Variants in GPC6 observed in about 807,000 individuals in gnomAD.
GPC6 encodes the protein glypican-6.
In GPC6, 14 loss-of-function variants were observed where a neutral mutation model predicts 55.2. That is an observed-to-expected ratio of 0.25 (90% CI 0.17 to 0.40). The LOEUF (loss-of-function observed/expected upper bound fraction) is 0.40. Among genes scored for constraint, GPC6 ranks in the 10% least tolerant of loss-of-function variants. The pLI is 1.00. For synonymous variants in GPC6, 278 were observed against 259.6 expected (o/e 1.07, Z -0.68); for missense variants, 641 against 708.5 (o/e 0.90, Z 1.08).
intron 1 of GPC6, among the ~76,000 whole-genome samples, chr13:93,477,815 A>G (rs1230409340): frequency 6.6e-6 from 1 of 152,216 alleles, no homozygotes; most frequent in East Asian, 1.9e-4. Flanking sequence ...CTGCTTCCTT[A>G]ACTATTTGTT....
intron 4 of GPC6, among the ~76,000 whole-genome samples, chr13:94,073,076 C>T (rs192247904): frequency 4.1e-4 from 63 of 152,178 alleles, no homozygotes; most frequent in African/African-American, 1.3e-3. Context: ...ATGTCTACAC[C>T]TAATCATTTT....
chr13:93,626,903 G>T (rs536645031), intron 2 of GPC6, among the ~76,000 whole-genome samples: 1 of 151,978 alleles, frequency 6.6e-6, no homozygotes, highest in African/African-American at 2.4e-5. Context: ...GACTGGGGAG[G>T]CCTCAGGAAA....
chr13:93,857,763 G>T (rs1403433639), intron 3 of GPC6, among the ~76,000 whole-genome samples: 1 of 151,462 alleles, frequency 6.6e-6, no homozygotes, highest in African/African-American at 2.4e-5. Context: ...GGGAGAACTG[G>T]CCTTTAAGTT....
intron 1 of GPC6, among the ~76,000 whole-genome samples, chr13:93,487,068 T>C (rs1425267270): frequency 6.6e-6 from 1 of 152,184 alleles, no homozygotes; most frequent in African/African-American, 2.4e-5. Context: ...GCAGGGCTGA[T>C]ACCTCGCAGT....
intron 2 of GPC6, among the ~76,000 whole-genome samples, chr13:93,770,657 A>G (rs1314250016): frequency 1.3e-5 from 2 of 152,124 alleles, no homozygotes; most frequent in East Asian, 1.9e-4. Flanking sequence ...GGATTCTTCT[A>G]TGGACTGTAA....
At chr13:94,120,611 C>A (rs1375102478) in intron 4 of GPC6, among the ~76,000 whole-genome samples, 1 of 151,774 alleles carries the variant, frequency 6.6e-6, no homozygotes, top group African/African-American at 2.4e-5. Flanking sequence ...AGAAAACATT[C>A]TGTTTTGCTT....
chr13:93,981,726 T>G (rs1296158632), intron 3 of GPC6, among the ~76,000 whole-genome samples: 1 of 152,190 alleles, frequency 6.6e-6, no homozygotes, highest in Admixed American at 6.5e-5. Flanking sequence ...GTAAAAATAA[T>G]GCATTCTTCC....
At chr13:93,850,172 G>T (rs907262113) in intron 3 of GPC6, among the ~76,000 whole-genome samples, 21 of 152,010 alleles carry the variant, frequency 1.4e-4, no homozygotes, top group Admixed American at 2.6e-4. Context: ...GGGTAATTTT[G>T]GCAATCTGTA....
At chr13:94,178,025 A>ATTTTTTTTTTTTTTTTTTTTTTTTT (rs767978319) in intron 4 of GPC6, among the ~76,000 whole-genome samples, 17 of 132,978 alleles carry the variant, frequency 1.3e-4, no homozygotes, top group Non-Finnish European at 1.7e-4. Flanking sequence ...TGGCCTTTTA[A>ATTTTTTTTTTTTTTTTTTTTTTTTT]TTTTTTTTTT....
chr13:94,228,768 T>A (rs1291374469), intron 4 of GPC6, among the ~76,000 whole-genome samples: 1 of 149,246 alleles, frequency 6.7e-6, no homozygotes, highest in East Asian at 2.0e-4. Context: ...TTGAATGCCC[T>A]CTCCAATACA....
intron 4 of GPC6, among the ~76,000 whole-genome samples, chr13:94,188,401 T>G (rs973781055): frequency 1.3e-5 from 2 of 152,136 alleles, no homozygotes; most frequent in African/African-American, 4.8e-5. Context: ...GCTGGTACCA[T>G]CTGTATAGGG....
chr13:93,815,184 A>G (rs913099717), intron 2 of GPC6, among the ~76,000 whole-genome samples: 1 of 152,216 alleles, frequency 6.6e-6, no homozygotes, highest in African/African-American at 2.4e-5. Context: ...AATAAGAATG[A>G]TATTATATCA....
intron 4 of GPC6, among the ~76,000 whole-genome samples, chr13:94,030,099 T>G: frequency 6.7e-6 from 1 of 150,346 alleles, no homozygotes. Flanking sequence ...GCCTCCCGGG[T>G]TCATGCCATT....
At chr13:93,382,801 TC>T (rs1282810488) in intron 1 of GPC6, among the ~76,000 whole-genome samples, 1 of 152,184 alleles carries the variant, frequency 6.6e-6, no homozygotes. Context: ...GCTAAGCTAA[TC>T]TTTGGGGTTA....
intron 2 of GPC6, among the ~76,000 whole-genome samples, chr13:93,814,927 G>A (rs1011043303): frequency 3.3e-5 from 5 of 152,072 alleles, no homozygotes; most frequent in African/African-American, 4.8e-5. Flanking sequence ...AGGGAGTCAC[G>A]TTTACAACAG....
rs545793542 is a variant in GPC6, at chr13:93,707,537, G to T, written c.320-122617G>T. ...ATGTTTCTACCTCTTAAGAAATGAA[G>T]TAGGCTCTCCTGTCCCCATCAAGGC... On this transcript the variant is annotated intron_variant, in intron 2 of 8. Transcript: ENST00000377047. Among the ~76,000 whole-genome samples the T allele has an allele frequency of 7.0e-4, 107 of 151,826 alleles. 1 individual carries two copies. Among genetic ancestry groups the T allele is most frequent in the African/African-American group, 2.5e-3 (102 of 41,478 alleles).
At chr13:93,995,161 C>CTATTTTTTATTTTATTTTATTT (rs1566639351) in intron 3 of GPC6, among the ~76,000 whole-genome samples, 5 of 144,298 alleles carry the variant, frequency 3.5e-5, no homozygotes, top group African/African-American at 1.0e-4. Context: ...TGTACTTCAA[C>CTATTTTTTATTTTATTTTATTT]TATTTTATTT....
chr13:94,384,539 A>ATTCTTACAAAATATTTAC (rs1418656190), intron 7 of GPC6, among the ~76,000 whole-genome samples: 1 of 150,858 alleles, frequency 6.6e-6, no homozygotes, highest in Non-Finnish European at 1.5e-5. Flanking sequence ...TTTCTTACAA[A>ATTCTTACAAAATATTTAC]AGGAAATATT....
intron 1 of GPC6, among the ~76,000 whole-genome samples, chr13:93,429,407 TG>T (rs1291090663): frequency 2.0e-5 from 3 of 152,234 alleles, no homozygotes; most frequent in Non-Finnish European, 2.9e-5. Context: ...CTATTAGTGA[TG>T]GGGACCACAG....
Sources: gnomAD v4.1 joint callset for allele counts (sites outside exome capture counted in the v4.1 genomes callset) on GRCh38, gnomAD v4.1.1 for gene constraint, MANE v1.5 for transcripts, NCBI Gene and HGNC (gene_info 2026-07-23, HGNC 2026-07-21) for gene names.